TBC1D30: variants seen among roughly 807,000 people sequenced by gnomAD.
The protein encoded by TBC1D30 is TBC1 domain family, member 30.
A neutral mutation model predicts 63.2 loss-of-function variants in TBC1D30; 31 were observed. That is an observed-to-expected ratio of 0.49 (90% CI 0.37 to 0.66). The LOEUF is 0.66. Among genes scored for constraint, TBC1D30 ranks in the 30% least tolerant of loss-of-function variants. The pLI, the probability that TBC1D30 is intolerant of heterozygous loss-of-function variation, is 0.00. For synonymous variants in TBC1D30, 307 were observed against 361.5 expected (o/e 0.85, Z 1.71); for missense variants, 810 against 953.6 (o/e 0.85, Z 1.98).
intron 8 of TBC1D30, among the ~76,000 whole-genome samples, chr12:64,847,427 T>G (rs1396148712): frequency 1.3e-5 from 2 of 151,822 alleles, no homozygotes; most frequent in East Asian, 3.8e-4. Flanking sequence ...AATTTTGGGT[T>G]GGGTTTGCTC....
intron 9 of TBC1D30, among the ~76,000 whole-genome samples, chr12:64,865,003 C>A (rs1206634782): frequency 2.0e-5 from 3 of 151,668 alleles, no homozygotes; most frequent in Non-Finnish European, 4.4e-5. Context: ...GATTTAGCAA[C>A]CCCACAACTT....
intron 8 of TBC1D30, among the ~76,000 whole-genome samples, chr12:64,846,093 GGTTATTAATCCCTTTTCAGATGAGTA>G (rs1876354829): frequency 6.6e-6 from 1 of 151,228 alleles, no homozygotes; most frequent in Non-Finnish European, 1.5e-5. Context: ...TGAATATTCT[GGTTATTAATCCCTTTTCAGATGAGTA>G]GTTTGCAAAT....
chr12:64,770,116 G>A (rs1304570139), intron 1 of TBC1D30, among the ~76,000 whole-genome samples: 1 of 152,178 alleles, frequency 6.6e-6, no homozygotes, highest in Admixed American at 6.5e-5. Context: ...AACTTCCTAT[G>A]AAAATAGCGT....
intron 8 of TBC1D30, among the ~76,000 whole-genome samples, chr12:64,861,124 C>G (rs542717603): frequency 9.9e-5 from 15 of 152,256 alleles, no homozygotes; most frequent in Non-Finnish European, 1.8e-4. Context: ...TGATGGGATT[C>G]CATTTGAGTA....
chr12:64,825,228 G>A (rs541176816), intron 1 of TBC1D30, among the ~76,000 whole-genome samples, 195 bp downstream of exon 1: 148 of 152,322 alleles, frequency 9.7e-4, no homozygotes, highest in Non-Finnish European at 1.9e-3. Context: ...GGCCTGGGTG[G>A]GGCAGCGGCC....
chr12:64,780,505 C>G (rs1029068155), upstream of TBC1D30, among the ~76,000 whole-genome samples: 2 of 152,258 alleles, frequency 1.3e-5, no homozygotes, highest in African/African-American at 2.4e-5. Context: ...CAACGGTGTT[C>G]TGGCCACGTC....
At chr12:64,772,328 A>C (rs994163180) in intron 1 of TBC1D30, among the ~76,000 whole-genome samples, 6 of 152,120 alleles carry the variant, frequency 3.9e-5, no homozygotes, top group Admixed American at 2.0e-4. Context: ...TCATGTTGGA[A>C]GAGGCACTAG....
At chr12:64,817,088 C>T (rs1341087354) in intron 2 of TBC1D30, among the ~76,000 whole-genome samples, 1 of 152,178 alleles carries the variant, frequency 6.6e-6, no homozygotes, top group Non-Finnish European at 1.5e-5. Flanking sequence ...ACTAATTTCA[C>T]AGTTTCTACC....
rs1241014484 is a variant in TBC1D30, at chr12:64,876,851, G to T, written c.*1063G>T. ...CTTTCTAGCTCTCTCTCACCCAGCG[G>T]GTCAGGGATAGCACCTCTTGTCTCC... On this transcript the variant is annotated 3_prime_UTR_variant, in exon 12 of 12. Transcript: ENST00000539867. 4 of 455,902 alleles carry T rather than the reference G, an allele frequency of 8.8e-6. No individual in the cohort carries two copies. Among genetic ancestry groups the T allele is most frequent in the African/African-American group, 8.0e-5 (4 of 50,048 alleles). 28.2% of individuals were successfully genotyped at this position (455,902 alleles called of 1,614,324 possible). A position where few individuals can be genotyped will look rare whatever the true frequency, so the allele number is the denominator to read the frequency against.
rs951307773 is a variant in TBC1D30, at chr12:64,879,082, T to C, written c.*3294T>C. On this transcript the variant is annotated 3_prime_UTR_variant, in exon 12 of 12. Coordinates refer to ENST00000539867, the MANE Select transcript of TBC1D30 (RefSeq NM_015279.2). ...TTTAAAATATATTATTTTTCCTAATTAGAAAAGTCACAGGTTTTAGAAAAT... is the reference window on the plus strand; with the variant it reads ...TTTAAAATATATTATTTTTCCTAATCAGAAAAGTCACAGGTTTTAGAAAAT... 1 of 152,356 alleles carries C rather than the reference T, an allele frequency of 6.6e-6. No homozygotes were observed. The highest frequency in any genetic ancestry group is 1.5e-5 in the Non-Finnish European group (1 of 68,192). The allele number at this position is 152,356 out of a possible 1,614,324, so 9.4% of individuals were successfully genotyped here. A position where few individuals can be genotyped will look rare whatever the true frequency, so the allele number is the denominator to read the frequency against.
rs1263032895 is a variant in TBC1D30 at position 64,830,683 on chromosome 12, T to C, written c.408+181T>C. On this transcript the variant is annotated intron_variant, in intron 4 of 11. Transcript: ENST00000539867. ...CTTGACAATGTGTTGTCTGCATAAA[T>C]TTAAATGTTACCGGTAAGAAGAAAA... Among the ~76,000 whole-genome samples the C allele has an allele frequency of 3.9e-5, 6 of 152,328 alleles. 2 individuals are homozygous for C. Among genetic ancestry groups the C allele is most frequent in the Admixed American group, 3.9e-4 (6 of 15,300 alleles).
At chr12:64,862,809 G>GA (rs1877901666) in intron 8 of TBC1D30, among the ~76,000 whole-genome samples, 1 of 151,956 alleles carries the variant, frequency 6.6e-6, no homozygotes, top group African/African-American at 2.4e-5. Context: ...TGTTAGGGAG[G>GA]AAAAAAAATT....
intron 1 of TBC1D30, among the ~76,000 whole-genome samples, chr12:64,782,609 A>G (rs1348757359): frequency 6.6e-6 from 1 of 152,186 alleles, no homozygotes; most frequent in African/African-American, 2.4e-5. Flanking sequence ...AAGGTTTTAC[A>G]TTTTTCATCA....
At chr12:64,820,865 G>T (rs903620882), upstream of TBC1D30, among the ~76,000 whole-genome samples, 2 of 152,228 alleles carry the variant, frequency 1.3e-5, no homozygotes. Context: ...TGCTATAAAA[G>T]TTGGCAGTCC....
intron 8 of TBC1D30, among the ~76,000 whole-genome samples, chr12:64,856,440 G>A (rs768206873): frequency 1.3e-5 from 2 of 152,338 alleles, no homozygotes; most frequent in Non-Finnish European, 2.9e-5. Flanking sequence ...ACTTGTAGAG[G>A]TACCCACCTT....
At chr12:64,786,078 A>G (rs757346401) in intron 2 of TBC1D30, 2 of 1,268,144 alleles carry the variant, frequency 1.6e-6, no homozygotes, top group South Asian at 2.5e-5. Context: ...TTCTTTTGCC[A>G]CATGCAACTA....
chr12:64,836,486 T>G lies in TBC1D30; in HGVS notation c.595-4T>G. The G allele has an allele frequency of 6.5e-7, 1 of 1,533,226 alleles. No individual in the cohort carries two copies. The highest frequency in any genetic ancestry group is 8.7e-7 in the Non-Finnish European group (1 of 1,145,286). The allele number at this position is 1,533,226 out of a possible 1,614,324, so 95.0% of individuals were successfully genotyped here. ...AGTCTTAAGCTTTATCTTTTTTTCT[T>G]TAGATTATGATTTACCTTATTGATA... On this transcript the variant is annotated splice_polypyrimidine_tract_variant and splice_region_variant and intron_variant, in intron 5 of 11. Transcript: ENST00000539867.
intron 7 of TBC1D30, among the ~76,000 whole-genome samples, chr12:64,841,826 G>A (rs1448403515): frequency 6.6e-6 from 1 of 152,118 alleles, no homozygotes; most frequent in Non-Finnish European, 1.5e-5. Context: ...TTTCATTCAT[G>A]TCCACAGGCT....
Position 64,853,572 on chromosome 12 carries a change from C to A in TBC1D30, c.1038+10087C>A, listed in dbSNP as rs1041478658. Among the ~76,000 whole-genome samples the A allele has an allele frequency of 8.5e-5, 13 of 152,304 alleles. No homozygotes were observed. The South Asian group carries it at 1.0e-3, about 12-fold the overall frequency. On this transcript the variant is annotated intron_variant, in intron 8 of 11. Coordinates refer to ENST00000539867, the MANE Select transcript of TBC1D30 (RefSeq NM_015279.2). ...ACTCCTGCAGCTAGCTCAATGTCTG[C>A]CCAAATGGCTGCCCAGTTTTGTGGT...
Sources: gnomAD v4.1 joint callset for allele counts (sites outside exome capture counted in the v4.1 genomes callset) on GRCh38, gnomAD v4.1.1 for gene constraint, MANE v1.5 for transcripts, NCBI Gene and HGNC (gene_info 2026-07-23, HGNC 2026-07-21) for gene names.